Variants in OPCML observed in about 807,000 individuals in gnomAD.
OPCML encodes the protein opioid binding protein/cell adhesion molecule like.
A neutral mutation model predicts 37.8 loss-of-function variants in OPCML; 13 were observed. That is an observed-to-expected ratio of 0.34 (90% CI 0.22 to 0.55). The LOEUF is 0.55. Among genes scored for constraint, OPCML ranks in the 20% least tolerant of loss-of-function variants. OPCML has a pLI of 0.91. For missense variants in OPCML, 341 were observed against 435.6 expected (o/e 0.78, Z 1.93); for synonymous variants, 176 against 168.8 (o/e 1.04, Z -0.33).
intron 1 of OPCML, among the ~76,000 whole-genome samples, chr11:133,318,693 G>A (rs1385110965): frequency 1.3e-5 from 2 of 152,168 alleles, no homozygotes; most frequent in East Asian, 1.9e-4. Flanking sequence ...CGCATTTAGT[G>A]CAGTAATGAG....
chr11:132,809,570 G>A (rs1318697807), intron 2 of OPCML, among the ~76,000 whole-genome samples: 1 of 151,980 alleles, frequency 6.6e-6, no homozygotes, highest in Non-Finnish European at 1.5e-5. Context: ...ATGTTCCCCA[G>A]GGTTAATAAA....
chr11:133,315,536 C>T (rs918809808), intron 1 of OPCML, among the ~76,000 whole-genome samples: 6 of 152,214 alleles, frequency 3.9e-5, no homozygotes, highest in Admixed American at 6.5e-5. Context: ...TGGTGGCTCA[C>T]GCCTATAATC....
intron 1 of OPCML, among the ~76,000 whole-genome samples, chr11:133,198,533 G>A (rs79294518): frequency 1.5e-3 from 226 of 152,348 alleles, no homozygotes; most frequent in African/African-American, 5.1e-3. Flanking sequence ...AGAACTTCAC[G>A]ATTGGGAACT....
intron 1 of OPCML, among the ~76,000 whole-genome samples, chr11:133,027,975 T>A (rs1352677229): frequency 6.6e-6 from 1 of 151,772 alleles, no homozygotes; most frequent in Non-Finnish European, 1.5e-5. Flanking sequence ...GAATTCTACA[T>A]GTAGTGAATA....
At chr11:132,913,601 G>A (rs373184510) in intron 2 of OPCML, among the ~76,000 whole-genome samples, 59 of 152,184 alleles carry the variant, frequency 3.9e-4, no homozygotes, top group Middle Eastern at 6.8e-3. Flanking sequence ...TCACAAGGCC[G>A]ACTCTCAGTC....
At chr11:132,738,994 C>T (rs1945350773) in intron 2 of OPCML, among the ~76,000 whole-genome samples, 1 of 152,148 alleles carries the variant, frequency 6.6e-6, no homozygotes, top group Admixed American at 6.5e-5. Flanking sequence ...AAAAGCCTCC[C>T]ACCCGCTAAC....
rs751077137 is a variant in OPCML at position 132,869,549 on chromosome 11, AC to A, written c.146+73376del. 8.7e-4 allele frequency among the ~76,000 whole-genome samples: 133 copies of A among 152,146 alleles called. 4 individuals are homozygous for A. Among genetic ancestry groups the A allele is most frequent in the Non-Finnish European group, 2.6e-4 (18 of 68,022 alleles). ...AAAAATGAGGATGATGAAATAATGA[AC>A]CTTTTTTCCTTAAACACAATTTGAT... On this transcript the variant is annotated intron_variant, in intron 2 of 7. Transcript: ENST00000524381.
intron 4 of OPCML, among the ~76,000 whole-genome samples, chr11:132,481,511 G>A (rs1331851052): frequency 3.1e-4 from 46 of 149,774 alleles, no homozygotes; most frequent in Non-Finnish European, 5.5e-4. Context: ...ACAGATGAAC[G>A]AGACAGAAAG....
intron 2 of OPCML, among the ~76,000 whole-genome samples, chr11:132,736,072 A>T (rs1945245597): frequency 6.6e-6 from 1 of 152,228 alleles, no homozygotes; most frequent in Non-Finnish European, 1.5e-5. Context: ...CAGAATTATT[A>T]TGAACCAGCA....
chr11:133,415,070 G>A (rs985043299), intron 1 of OPCML, among the ~76,000 whole-genome samples: 2 of 152,158 alleles, frequency 1.3e-5, no homozygotes, highest in Admixed American at 6.5e-5. Context: ...ATTTAGAGCA[G>A]TACTTCTCAA....
chr11:133,480,440 T>C (rs1046067065), intron 1 of OPCML, among the ~76,000 whole-genome samples: 1 of 152,176 alleles, frequency 6.6e-6, no homozygotes, highest in African/African-American at 2.4e-5. Context: ...TGTGTGCTCG[T>C]CCCATCCTTA....
chr11:132,975,392 T>C (rs1946435981), intron 1 of OPCML, among the ~76,000 whole-genome samples: 1 of 150,492 alleles, frequency 6.6e-6, no homozygotes, highest in Non-Finnish European at 1.5e-5. Flanking sequence ...GCAGAGAAAA[T>C]AGCAAGTAGA....
At chr11:132,823,899 T>A (rs189794860) in intron 2 of OPCML, among the ~76,000 whole-genome samples, 5 of 152,248 alleles carry the variant, frequency 3.3e-5, no homozygotes, top group Admixed American at 1.3e-4. Flanking sequence ...AGCCTGTATG[T>A]CTTCTGACAT....
intron 2 of OPCML, among the ~76,000 whole-genome samples, chr11:132,717,313 C>A (rs985999170): frequency 6.6e-6 from 1 of 151,882 alleles, no homozygotes; most frequent in African/African-American, 2.4e-5. Flanking sequence ...AACAAAAACA[C>A]CCTAATATTT....
chr11:133,086,135 C>A lies in OPCML; in HGVS notation c.62-143125G>T, dbSNP rs576580764. Among the ~76,000 whole-genome samples the A allele has an allele frequency of 2.6e-5, 4 of 152,284 alleles. No individual in the cohort carries two copies. The East Asian group carries it at 7.7e-4, about 29-fold the overall frequency. ...TCCAAAGGTGATAATTCAAGCACAG[C>A]TTTAAGATTTTTCAAATACCTTATT... On this transcript the variant is annotated intron_variant, in intron 1 of 7. Transcript: ENST00000524381.
intron 2 of OPCML, among the ~76,000 whole-genome samples, chr11:132,689,626 C>T (rs950184817): frequency 2.6e-5 from 4 of 152,112 alleles, no homozygotes; most frequent in East Asian, 3.9e-4. Context: ...AAGGTAGAGA[C>T]GAGGTGTCAT....
At position 133,292,460 on chromosome 11, in the gene OPCML, T is replaced by C. The variant is rs894812316; in HGVS notation, c.61+239804A>G. On this transcript the variant is annotated intron_variant, in intron 1 of 7. Transcript: ENST00000524381. ...CGGCGATCCCTTCAATATTATTTTG[T>C]TGTTTTCCCAATAAATAAAGATATA... Among the ~76,000 whole-genome samples, 31 of 152,342 alleles carry C rather than the reference T, an allele frequency of 2.0e-4. 1 individual carries two copies. The South Asian group carries it at 3.5e-3, about 17-fold the overall frequency.
At chr11:132,833,789 A>G (rs1028935808) in intron 2 of OPCML, among the ~76,000 whole-genome samples, 52 of 152,210 alleles carry the variant, frequency 3.4e-4, no homozygotes, top group African/African-American at 1.1e-3. Context: ...CATTGTATAT[A>G]TGCACCCCAT....
chr11:132,682,696 C>T (rs1442295886), intron 2 of OPCML, among the ~76,000 whole-genome samples: 2 of 152,194 alleles, frequency 1.3e-5, no homozygotes, highest in Non-Finnish European at 2.9e-5. Flanking sequence ...AGGGAGAGAA[C>T]GGAGGACCGA....
Sources: gnomAD v4.1 joint callset for allele counts (sites outside exome capture counted in the v4.1 genomes callset) on GRCh38, gnomAD v4.1.1 for gene constraint, MANE v1.5 for transcripts, NCBI Gene and HGNC (gene_info 2026-07-23, HGNC 2026-07-21) for gene names.